Variants in TRHDE observed in about 807,000 individuals in gnomAD.
TRHDE encodes thyrotropin-releasing hormone-degrading ectoenzyme.
TRHDE carries 72 observed loss-of-function variants against 125.7 expected under a neutral mutation model. The observed-to-expected ratio is 0.57, with a 90% CI of 0.47 to 0.70. TRHDE has a LOEUF of 0.70. Among genes scored for constraint, TRHDE ranks in the 30% least tolerant of loss-of-function variants. The pLI is 0.00. For missense variants in TRHDE, 1,110 were observed against 1,327.1 expected (o/e 0.84, Z 2.54); for synonymous variants, 509 against 509.1 (o/e 1.00, Z 0.00).
chr12:72,145,924 AG>A (rs1362022442), intron 2 of TRHDE, among the ~76,000 whole-genome samples: 1 of 152,200 alleles, frequency 6.6e-6, no homozygotes, highest in African/African-American at 2.4e-5. Context: ...TGGGAGTTGA[AG>A]TAGAGATTCC....
At chr12:72,475,990 C>T (rs1876875149) in intron 5 of TRHDE, among the ~76,000 whole-genome samples, 1 of 152,074 alleles carries the variant, frequency 6.6e-6, no homozygotes, top group African/African-American at 2.4e-5. Flanking sequence ...GATCTTGGCT[C>T]ACTGCAATCT....
chr12:72,486,303 A>T (rs1877404547), intron 5 of TRHDE, among the ~76,000 whole-genome samples: 1 of 152,194 alleles, frequency 6.6e-6, no homozygotes, highest in Non-Finnish European at 1.5e-5. Flanking sequence ...TAGTTTTACA[A>T]GACCCTGATC....
At chr12:72,267,242 T>C (rs552472315) in intron 2 of TRHDE, among the ~76,000 whole-genome samples, 19 of 152,244 alleles carry the variant, frequency 1.2e-4, no homozygotes, top group African/African-American at 4.3e-4. Context: ...ACTTTGACTT[T>C]TTATAGAGCT....
At chr12:72,339,632 A>T (rs1274886354) in intron 2 of TRHDE, among the ~76,000 whole-genome samples, 1 of 152,162 alleles carries the variant, frequency 6.6e-6, no homozygotes, top group African/African-American at 2.4e-5. Context: ...CTTCTGCCTG[A>T]AAACAGACAT....
At chr12:72,660,403 T>C (rs1486746262) in intron 18 of TRHDE, among the ~76,000 whole-genome samples, 5 of 152,068 alleles carry the variant, frequency 3.3e-5, no homozygotes, top group Non-Finnish European at 7.4e-5. Context: ...GAGTGTTCCC[T>C]GACTCCTCCA....
At position 72,441,263 on chromosome 12, in the gene TRHDE, GT is replaced by G. The variant is rs1874997820; in HGVS notation, c.1316-28491del. Among the ~76,000 whole-genome samples, 3 of 151,922 alleles carry G rather than the reference GT, an allele frequency of 2.0e-5. No individual in the cohort carries two copies. The South Asian group carries it at 6.2e-4, about 32-fold the overall frequency. ...ATGATTTGCCTTCCTCTCATATAAT[GT>G]TTTGCCTTTTTATCATGGAAGTTAT... On this transcript the variant is annotated intron_variant, in intron 3 of 18. Coordinates refer to ENST00000261180, the MANE Select transcript of TRHDE (RefSeq NM_013381.3).
At chr12:72,546,650 A>C (rs1241865086) in intron 7 of TRHDE, among the ~76,000 whole-genome samples, 1 of 151,610 alleles carries the variant, frequency 6.6e-6, no homozygotes, top group East Asian at 1.9e-4. Flanking sequence ...TCTGTAACAT[A>C]CTAAAACCCT....
At chr12:72,436,104 A>G (rs1198619585) in intron 3 of TRHDE, among the ~76,000 whole-genome samples, 1 of 152,076 alleles carries the variant, frequency 6.6e-6, no homozygotes. Flanking sequence ...CCTTTATTTA[A>G]AGAGCATCTC....
intron 12 of TRHDE, among the ~76,000 whole-genome samples, chr12:72,590,170 T>C (rs1871613530): frequency 6.6e-6 from 1 of 152,056 alleles, no homozygotes; most frequent in African/African-American, 2.4e-5. Flanking sequence ...TTTTTGTTTT[T>C]ATTGATATTT....
At chr12:72,414,502 A>G (rs1873647563) in intron 3 of TRHDE, among the ~76,000 whole-genome samples, 1 of 152,154 alleles carries the variant, frequency 6.6e-6, no homozygotes, top group Non-Finnish European at 1.5e-5. Flanking sequence ...GAAAAAGGCA[A>G]AGAATTTCTC....
chr12:72,442,634 G>T (rs1419585848), intron 3 of TRHDE, among the ~76,000 whole-genome samples: 1 of 151,604 alleles, frequency 6.6e-6, no homozygotes, highest in Non-Finnish European at 1.5e-5. Flanking sequence ...TCCCTTCATG[G>T]ATTATGAGTT....
intron 2 of TRHDE, among the ~76,000 whole-genome samples, chr12:72,326,150 C>A (rs1362567184): frequency 5.3e-5 from 8 of 151,988 alleles, no homozygotes. Context: ...TTAAAGGACA[C>A]CTATACCTTC....
At chr12:72,553,545 T>G (rs916799291) in intron 7 of TRHDE, among the ~76,000 whole-genome samples, 1 of 152,112 alleles carries the variant, frequency 6.6e-6, no homozygotes. Flanking sequence ...TTCCATGAAC[T>G]GCCCATCAGG....
Position 72,281,677 on chromosome 12 carries a change from A to G in TRHDE, c.915-5004A>G, listed in dbSNP as rs148274482. ...GCCATGAATCAATCTGAATACTAAC[A>G]GTGTTATGCAAATGTTTGTTTCCTC... On this transcript the variant is annotated intron_variant, in intron 1 of 18. Coordinates refer to ENST00000261180, the MANE Select transcript of TRHDE (RefSeq NM_013381.3). Among the ~76,000 whole-genome samples, 433 of 152,354 alleles carry G rather than the reference A, an allele frequency of 2.8e-3. 4 individuals are homozygous for G. The highest frequency in any genetic ancestry group is 5.4e-3 in the Admixed American group (82 of 15,300).
chr12:72,622,248 T>C lies in TRHDE; in HGVS notation c.2675+497T>C, dbSNP rs192993939. On this transcript the variant is annotated intron_variant, in intron 15 of 18. Coordinates refer to ENST00000261180, the MANE Select transcript of TRHDE (RefSeq NM_013381.3). ...ACAATGACCTTAAACTTGTATCTTA[T>C]CTTAGAATTTTGCAATATAGTATTT... is the stretch of plus-strand genomic sequence containing the variant. 7.2e-5 allele frequency among the ~76,000 whole-genome samples: 11 copies of C among 152,204 alleles called. No homozygotes were observed. The East Asian group carries it at 2.1e-3, about 29-fold the overall frequency.
intron 12 of TRHDE, among the ~76,000 whole-genome samples, chr12:72,576,711 A>G (rs1422023871): frequency 4.6e-5 from 7 of 152,144 alleles, no homozygotes; most frequent in Non-Finnish European, 1.0e-4. Flanking sequence ...AGAAATAAAA[A>G]ACATTGCTAA....
chr12:72,458,105 C>T (rs1875948980), intron 3 of TRHDE, among the ~76,000 whole-genome samples: 1 of 152,040 alleles, frequency 6.6e-6, no homozygotes, highest in Admixed American at 6.6e-5. Flanking sequence ...TTGGTTTTAC[C>T]CTCCCTTCAG....
chr12:72,363,146 T>C (rs1447515452), intron 2 of TRHDE, among the ~76,000 whole-genome samples: 1 of 151,926 alleles, frequency 6.6e-6, no homozygotes, highest in Non-Finnish European at 1.5e-5. Flanking sequence ...ATCTATAAAT[T>C]ATCTTGGGCA....
intron 12 of TRHDE, among the ~76,000 whole-genome samples, chr12:72,583,343 G>A (rs1037244916): frequency 2.6e-5 from 4 of 152,136 alleles, no homozygotes; most frequent in Non-Finnish European, 5.9e-5. Context: ...GATATGAGCA[G>A]TGTCTCACAG....
Sources: gnomAD v4.1 joint callset for allele counts (sites outside exome capture counted in the v4.1 genomes callset) on GRCh38, gnomAD v4.1.1 for gene constraint, MANE v1.5 for transcripts, NCBI Gene and HGNC (gene_info 2026-07-23, HGNC 2026-07-21) for gene names.